TTLL6: variants seen among roughly 807,000 people sequenced by gnomAD.
The protein encoded by TTLL6 is tubulin tyrosine ligase like 6, also known as tubulin polyglutamylase TTLL6.
In TTLL6, 75 loss-of-function variants were observed where a neutral mutation model predicts 96.4. That is an observed-to-expected ratio of 0.78 (90% CI 0.65 to 0.94). The LOEUF (loss-of-function observed/expected upper bound fraction) is 0.94, where lower values mean the gene tolerates loss of function less well. Among genes scored for constraint, TTLL6 ranks in the 40% least tolerant of loss-of-function variants. The pLI is 0.00. For synonymous variants in TTLL6, 411 were observed against 419.4 expected (o/e 0.98, Z 0.24); for missense variants, 1,030 against 1,093.0 (o/e 0.94, Z 0.81).
intron 13 of TTLL6, among the ~76,000 whole-genome samples, chr17:48,781,278 C>T (rs893824370): frequency 6.6e-6 from 1 of 152,030 alleles, no homozygotes; most frequent in African/African-American, 2.4e-5. Context: ...AACTCCTGGC[C>T]TTAAGTGATC....
In TTLL6 at chr17:48,797,199, A is replaced by G; in HGVS notation, c.774T>C (p.Phe258=). The part of the protein sequence containing the change: ...MICQLYISKP[F]IIDGFKFDLR... ...GGTCAAACTTAAACCCATCAATGAT[A>G]AAGGGCTGGAAGGAGAGAACAGAAG... Residue 258 remains phenylalanine, a synonymous_variant, in exon 7 of 16, where the codon TTT becomes TTC. Coordinates refer to ENST00000393382, the MANE Select transcript of TTLL6 (RefSeq NM_001130918.3). The G allele has an allele frequency of 6.5e-7, 1 of 1,548,984 alleles. No individual in the cohort carries two copies. Among genetic ancestry groups the G allele is most frequent in the Non-Finnish European group, 8.7e-7 (1 of 1,145,546 alleles).
chr17:48,769,770 GGAA>G lies in TTLL6; in HGVS notation c.2365_2367del (p.Phe789del), dbSNP rs754586210. 12 of 1,614,220 alleles carry G rather than the reference GGAA, an allele frequency of 7.4e-6. No homozygotes were observed. Among genetic ancestry groups the G allele is most frequent in the South Asian group, 6.6e-5 (6 of 91,086 alleles). On this transcript the variant is annotated inframe_deletion, in exon 14 of 16. Transcript: ENST00000393382. ...CCCAGCTTGGGGTTGTAGTGAGCTG[GGAA>G]GAAGGAGAGCTTCCCACTCAGTTGA...
intron 13 of TTLL6, among the ~76,000 whole-genome samples, chr17:48,782,372 C>G (rs748635091): frequency 4.9e-4 from 74 of 152,208 alleles, no homozygotes; most frequent in Non-Finnish European, 9.3e-4. Context: ...CCAGGCTGGT[C>G]TTGAACTCCT....
chr17:48,776,206 C>T (rs1016251100), intron 13 of TTLL6, among the ~76,000 whole-genome samples: 2 of 152,170 alleles, frequency 1.3e-5, no homozygotes, highest in Admixed American at 1.3e-4. Flanking sequence ...GTAGCTCATG[C>T]CTGTAATACT....
Position 48,784,938 on chromosome 17 carries a change from T to C in TTLL6, c.2025A>G (p.Val675=), listed in dbSNP as rs1321803241. The C allele has an allele frequency of 1.2e-6, 2 of 1,613,310 alleles. No homozygotes were observed. Among genetic ancestry groups the C allele is most frequent in the Non-Finnish European group, 1.7e-6 (2 of 1,179,490 alleles). ...CACTACTTACCACAGTGCCAGTGAATACGTTCACTGCAGAGGCAGACTTGG... is the reference window on the plus strand; with the variant it reads ...CACTACTTACCACAGTGCCAGTGAACACGTTCACTGCAGAGGCAGACTTGG... ...KEAKSASAVN[V]FTGTVHLTSV... Residue 675 remains valine, a synonymous_variant, in exon 13 of 16, where the codon GTA becomes GTG. Transcript: ENST00000393382.
chr17:48,815,113 G>A (rs772771432), intron 1 of TTLL6, among the ~76,000 whole-genome samples: 3 of 152,082 alleles, frequency 2.0e-5, no homozygotes, highest in East Asian at 1.9e-4. Context: ...GAATGAACAC[G>A]GGCATCCTAT....
At chr17:48,787,358 C>G (rs143881987) in intron 11 of TTLL6, among the ~76,000 whole-genome samples, 2 of 152,124 alleles carry the variant, frequency 1.3e-5, no homozygotes, top group East Asian at 1.9e-4. Flanking sequence ...CTTGTCCTTG[C>G]GAGACCAGGG....
chr17:48,801,752 G>A lies in TTLL6; in HGVS notation c.362-109C>T, dbSNP rs1009218730. 36 of 824,592 alleles carry A rather than the reference G, an allele frequency of 4.4e-5. 1 individual carries two copies. Among genetic ancestry groups the A allele is most frequent in the Middle Eastern group, 6.8e-4 (2 of 2,922 alleles). The allele number at this position is 824,592 out of a possible 1,614,324, so 51.1% of individuals were successfully genotyped here. ...ACCAAGTACTGAAGCAAAAAATCTC[G>A]GCTCCTCGAGACTGGAAGCCATCTT... is the stretch of plus-strand genomic sequence containing the variant. On this transcript the variant is annotated intron_variant, in intron 3 of 15. Coordinates refer to ENST00000393382, the MANE Select transcript of TTLL6 (RefSeq NM_001130918.3).
chr17:48,785,244 G>T, intron 12 of TTLL6, 43 bp from the exon 13 acceptor site: 1 of 1,611,972 alleles, frequency 6.2e-7, no homozygotes, highest in South Asian at 1.1e-5. Context: ...TGGGAACCCA[G>T]CTCTATCCAC....
rs755276981 is a variant in TTLL6, at chr17:48,794,136, G to A, written c.998+1925C>T. The A allele has an allele frequency of 1.7e-5, 27 of 1,606,812 alleles. No individual in the cohort carries two copies. The Admixed American group carries it at 3.2e-4, about 19-fold the overall frequency. On this transcript the variant is annotated intron_variant, in intron 8 of 15. Coordinates refer to ENST00000393382, the MANE Select transcript of TTLL6 (RefSeq NM_001130918.3). ...GAGAAGTACAGTGGGGTGAGAGGGA[G>A]ATGAACAGAGGAAGAGGACAGGGGA...
intron 13 of TTLL6, among the ~76,000 whole-genome samples, chr17:48,784,481 A>C (rs891911620): frequency 5.3e-5 from 8 of 152,136 alleles, no homozygotes; most frequent in Non-Finnish European, 1.0e-4. Context: ...GATTGGAGTT[A>C]TGCTGCCACA....
chr17:48,764,774 G>C (rs1038317929), intron 15 of TTLL6, among the ~76,000 whole-genome samples: 1 of 152,000 alleles, frequency 6.6e-6, no homozygotes, highest in Non-Finnish European at 1.5e-5. Flanking sequence ...TTTATGGTCC[G>C]ATTAGTTTGG....
chr17:48,779,462 T>C (rs1029511781), intron 13 of TTLL6, among the ~76,000 whole-genome samples: 1 of 148,100 alleles, frequency 6.8e-6, no homozygotes, highest in Non-Finnish European at 1.5e-5. Context: ...AAATGTACAA[T>C]AATACAGTCA....
At chr17:48,793,158 A>G (rs2039257319) in intron 8 of TTLL6, among the ~76,000 whole-genome samples, 1 of 152,186 alleles carries the variant, frequency 6.6e-6, no homozygotes, top group Non-Finnish European at 1.5e-5. Flanking sequence ...CAGGGAGGGC[A>G]GTTGACCTCA....
At chr17:48,797,310 G>C in intron 6 of TTLL6, 106 bp from the exon 7 acceptor site, 1 of 1,236,824 alleles carries the variant, frequency 8.1e-7, no homozygotes, top group Non-Finnish European at 1.1e-6. Context: ...ACATTGCCTA[G>C]TGTTGTGGAG....
intron 1 of TTLL6, among the ~76,000 whole-genome samples, chr17:48,809,525 T>C (rs924908283): frequency 7.2e-5 from 11 of 152,294 alleles, no homozygotes; most frequent in Non-Finnish European, 1.3e-4. Flanking sequence ...AGTCCTTGCC[T>C]GAGTGGTAAG....
intron 2 of TTLL6, chr17:48,804,300 G>A (rs1321865426): frequency 2.0e-6 from 1 of 493,444 alleles, no homozygotes; most frequent in Admixed American, 2.3e-5. Flanking sequence ...CCCCATTAAG[G>A]GAAGCTATGA....
intron 13 of TTLL6, among the ~76,000 whole-genome samples, chr17:48,774,112 A>C (rs974817011): frequency 6.8e-6 from 1 of 147,884 alleles, no homozygotes; most frequent in South Asian, 2.1e-4. Context: ...AAAAAAAAAA[A>C]CAAGAAAAGT....
chr17:48,789,636 C>T (rs1434563968), intron 10 of TTLL6, among the ~76,000 whole-genome samples: 1 of 151,416 alleles, frequency 6.6e-6, no homozygotes, highest in Admixed American at 6.6e-5. Context: ...CTCACTGCAA[C>T]CTCTGTCTCC....
Sources: allele counts gnomAD v4.1 joint callset (sites outside exome capture counted in the v4.1 genomes callset), GRCh38; gene constraint gnomAD v4.1.1; transcripts MANE v1.5; gene names NCBI Gene and HGNC (gene_info 2026-07-23, HGNC 2026-07-21).